MAD1L1: variants seen among roughly 807,000 people sequenced by gnomAD.
The protein encoded by MAD1L1 is mitotic arrest deficient 1 like 1.
In MAD1L1, 95 loss-of-function variants were observed where a neutral mutation model predicts 96.9. That is an observed-to-expected ratio of 0.98 (90% CI 0.83 to 1.16). The LOEUF is 1.16. MAD1L1 is among the 50% of genes most tolerant of loss of function. The pLI, the probability that MAD1L1 is intolerant of heterozygous loss-of-function variation, is 0.00. For missense variants in MAD1L1, 1,007 were observed against 954.4 expected (o/e 1.06, Z -0.73); for synonymous variants, 473 against 396.6 (o/e 1.19, Z -2.29).
intron 11 of MAD1L1, 76 bp downstream of exon 11, chr7:2,149,076 G>C (rs545793924): frequency 7.6e-7 from 1 of 1,309,468 alleles, no homozygotes; most frequent in South Asian, 1.2e-5. Context: ...AAGAGCCAGG[G>C]GGCACACACT....
At chr7:2,179,044 C>T (rs1791068826) in intron 10 of MAD1L1, among the ~76,000 whole-genome samples, 2 of 152,126 alleles carry the variant, frequency 1.3e-5, no homozygotes, top group Admixed American at 1.3e-4. Context: ...GTTCACTCCA[C>T]CATAAAAGCA....
chr7:1,945,764 A>G (rs960390387), intron 16 of MAD1L1, among the ~76,000 whole-genome samples: 2 of 152,226 alleles, frequency 1.3e-5, no homozygotes, highest in African/African-American at 2.4e-5. Flanking sequence ...TGGGCCGCAG[A>G]CCGGGGTTAG....
At chr7:1,887,017 G>A (rs1482785492) in intron 18 of MAD1L1, among the ~76,000 whole-genome samples, 3 of 152,270 alleles carry the variant, frequency 2.0e-5, no homozygotes, top group Non-Finnish European at 4.4e-5. Context: ...AGAACAGGAA[G>A]AAGACTCCAC....
intron 12 of MAD1L1, among the ~76,000 whole-genome samples, chr7:2,058,874 C>T (rs1317719015): frequency 2.2e-5 from 1 of 44,936 alleles, no homozygotes; most frequent in Non-Finnish European, 4.1e-5. Context: ...AGAGGAGAGG[C>T]GCGGGGCTAG....
At chr7:1,865,213 A>AG (rs1198853020) in intron 18 of MAD1L1, among the ~76,000 whole-genome samples, 1 of 151,948 alleles carries the variant, frequency 6.6e-6, no homozygotes, top group Non-Finnish European at 1.5e-5. Flanking sequence ...CCACAGAGTC[A>AG]GGGGCCCAAG....
intron 3 of MAD1L1, among the ~76,000 whole-genome samples, chr7:2,227,308 A>G (rs1793952408): frequency 6.6e-6 from 1 of 152,212 alleles, no homozygotes; most frequent in South Asian, 2.1e-4. Context: ...AAAGAAAAAA[A>G]GAAACTTCTT....
chr7:2,122,965 C>T (rs889337441), intron 11 of MAD1L1, among the ~76,000 whole-genome samples: 3 of 152,168 alleles, frequency 2.0e-5, no homozygotes, highest in East Asian at 1.9e-4. Context: ...ATTATCAAGG[C>T]GACCGGTACC....
At chr7:1,951,100 G>A (rs978370106) in intron 16 of MAD1L1, among the ~76,000 whole-genome samples, 2 of 152,272 alleles carry the variant, frequency 1.3e-5, no homozygotes, top group African/African-American at 4.8e-5. Flanking sequence ...GGCCTGCCGA[G>A]GAAGTGAACT....
At chr7:2,215,259 T>A (rs775887927) in intron 9 of MAD1L1, among the ~76,000 whole-genome samples, 5 of 151,024 alleles carry the variant, frequency 3.3e-5, no homozygotes, top group Non-Finnish European at 7.4e-5. Context: ...ACGCCTGTAG[T>A]CCCAGCTACT....
intron 12 of MAD1L1, among the ~76,000 whole-genome samples, chr7:2,020,895 T>C (rs771104463): frequency 2.7e-5 from 4 of 150,134 alleles, no homozygotes; most frequent in Non-Finnish European, 5.9e-5. Flanking sequence ...AAACTGAAAG[T>C]AGCAAGCTAA....
rs117675468 is a variant in MAD1L1 at position 1,816,234 on chromosome 7, G to A, written c.1999-6C>T. On this transcript the variant is annotated splice_region_variant and splice_polypyrimidine_tract_variant and intron_variant, in intron 18 of 18. Transcript: ENST00000265854. Reference sequence around the variant, plus strand: ...GAACCCGAGGGGCTGGTGGCCTGCGGGGCAGTCAAGAAAGAGACAAGACAG... The same window carrying A: ...GAACCCGAGGGGCTGGTGGCCTGCGAGGCAGTCAAGAAAGAGACAAGACAG... 23,585 of 1,611,060 alleles carry A rather than the reference G, an allele frequency of 0.015. 229 individuals carry two copies. Among genetic ancestry groups the A allele is most frequent in the Middle Eastern group, 0.03 (170 of 5,632 alleles).
In MAD1L1 at chr7:2,146,674, G is replaced by A. The variant is rs1789323680; in HGVS notation, c.1073+2478C>T. 6.6e-6 allele frequency among the ~76,000 whole-genome samples: 1 copy of A among 152,228 alleles called. No individual in the cohort carries two copies. The highest frequency in any genetic ancestry group is 2.1e-4 in the South Asian group (1 of 4,834). ...TACTTTCAATGAGAAACAAACAAAA[G>A]TGACTTTAAAATGAGGCCCGCCTGG... On this transcript the variant is annotated intron_variant, in intron 11 of 18. Coordinates refer to ENST00000265854, the MANE Select transcript of MAD1L1 (RefSeq NM_001013836.2). This position sits in a 1 kb window ranked among gnomAD's most constrained non-coding sequence, Gnocchi z 6.2.
At chr7:2,120,332 T>A (rs973490640) in intron 11 of MAD1L1, among the ~76,000 whole-genome samples, 2 of 152,126 alleles carry the variant, frequency 1.3e-5, no homozygotes, top group African/African-American at 2.4e-5. Flanking sequence ...CACCACTTCC[T>A]CCCAGCTGAT....
At chr7:1,821,617 C>T (rs1210474937) in intron 18 of MAD1L1, among the ~76,000 whole-genome samples, 2 of 152,100 alleles carry the variant, frequency 1.3e-5, no homozygotes, top group Non-Finnish European at 2.9e-5. Context: ...AGGTGTACAA[C>T]GACGGCTAGT....
intron 17 of MAD1L1, among the ~76,000 whole-genome samples, chr7:1,929,653 T>C (rs1463914480): frequency 2.0e-5 from 3 of 151,852 alleles, no homozygotes; most frequent in Non-Finnish European, 4.4e-5. Context: ...AGACAGCCCT[T>C]GGGGAAGCCG....
chr7:2,155,081 G>A (rs758756629), intron 10 of MAD1L1, among the ~76,000 whole-genome samples: 8 of 152,152 alleles, frequency 5.3e-5, no homozygotes, highest in Non-Finnish European at 1.0e-4. Context: ...CCGGAGAGCC[G>A]CTCCTCCGGC....
chr7:1,833,920 C>T (rs556068732), intron 18 of MAD1L1, among the ~76,000 whole-genome samples: 1 of 152,248 alleles, frequency 6.6e-6, no homozygotes, highest in African/African-American at 2.4e-5. Flanking sequence ...GCACTCCAGC[C>T]TGGGTGACAG....
chr7:2,077,266 G>C (rs1785424935), intron 11 of MAD1L1, among the ~76,000 whole-genome samples: 1 of 152,232 alleles, frequency 6.6e-6, no homozygotes, highest in African/African-American at 2.4e-5. Flanking sequence ...TTCGAACCTT[G>C]GCAAAATCTC....
chr7:1,988,520 C>A (rs1781263019), intron 14 of MAD1L1, among the ~76,000 whole-genome samples: 1 of 152,166 alleles, frequency 6.6e-6, no homozygotes, highest in South Asian at 2.1e-4. Context: ...CTGGCCCAGG[C>A]ACAGAGCACT....
Sources: allele counts gnomAD v4.1 joint callset (sites outside exome capture counted in the v4.1 genomes callset), GRCh38; gene constraint gnomAD v4.1.1; non-coding constraint Gnocchi (gnomAD v3.1); transcripts MANE v1.5; gene names NCBI Gene and HGNC (gene_info 2026-07-23, HGNC 2026-07-21).